C12orf54: variants seen among roughly 807,000 people sequenced by gnomAD.
C12orf54 encodes the protein chromosome 12 open reading frame 54, also known as uncharacterized protein C12orf54.
Under a neutral mutation model 26.4 loss-of-function variants are expected in C12orf54, and 24 were observed. The observed-to-expected ratio is 0.91, with a 90% CI of 0.66 to 1.28. The LOEUF is 1.28. Ranked by LOEUF, C12orf54 falls within the 50% of genes most tolerant of loss-of-function variation. The pLI is 0.00. For missense variants in C12orf54, 154 were observed against 150.9 expected, an observed-to-expected ratio of 1.02 and a Z score of -0.11; for synonymous variants, 54 against 47.0, an observed-to-expected ratio of 1.15 and a Z score of -0.61.
chr12:48,436,114 C>G, the C12orf54 span, among the ~76,000 whole-genome samples: 1 of 152,124 alleles, frequency 6.6e-6, no homozygotes, highest in African/African-American at 2.4e-5. Flanking sequence ...CAATCCTAGT[C>G]TTGGATGAAA....
chr12:48,457,545 G>C, the C12orf54 span, among the ~76,000 whole-genome samples: 1 of 152,008 alleles, frequency 6.6e-6, no homozygotes, highest in Non-Finnish European at 1.5e-5. Flanking sequence ...TGTTGGTCAG[G>C]CTGGTCTCGA....
At chr12:48,480,002 T>C (rs902309745), upstream of C12orf54, among the ~76,000 whole-genome samples, 37 of 152,038 alleles carry the variant, frequency 2.4e-4, no homozygotes, top group African/African-American at 7.7e-4. Context: ...GCTTTTCTTA[T>C]TTTATATATA....
the C12orf54 span, among the ~76,000 whole-genome samples, chr12:48,417,541 C>T: frequency 6.6e-6 from 1 of 152,124 alleles, no homozygotes; most frequent in African/African-American, 2.4e-5. Context: ...CAACCTTAGT[C>T]CAGTCTGATG....
chr12:48,446,104 A>G, the C12orf54 span, among the ~76,000 whole-genome samples: 1 of 152,164 alleles, frequency 6.6e-6, no homozygotes, highest in South Asian at 2.1e-4. Flanking sequence ...CCTGGTGCAC[A>G]ATGTATCCTG....
intron 1 of C12orf54, 66 bp from the exon 2 acceptor site, chr12:48,483,174 C>T: frequency 1.3e-6 from 1 of 768,964 alleles, no homozygotes; most frequent in Non-Finnish European, 2.1e-6. Context: ...TAGTTCTCCA[C>T]TGAATAAGCG....
the C12orf54 span, among the ~76,000 whole-genome samples, chr12:48,455,981 C>T: frequency 2.6e-5 from 4 of 152,122 alleles, no homozygotes; most frequent in South Asian, 2.1e-4. Context: ...ATGTGCCATA[C>T]GCTATTTTAA....
the C12orf54 span, among the ~76,000 whole-genome samples, chr12:48,428,029 C>T: frequency 6.6e-6 from 1 of 151,978 alleles, no homozygotes; most frequent in Non-Finnish European, 1.5e-5. Flanking sequence ...CCTTCAAAAC[C>T]ATGAAAATAC....
the C12orf54 span, among the ~76,000 whole-genome samples, chr12:48,466,656 T>C: frequency 9.9e-5 from 15 of 152,204 alleles, no homozygotes; most frequent in African/African-American, 3.4e-4. Context: ...ATTAGGATAT[T>C]TAAAATTAGA....
intron 8 of C12orf54, 131 bp downstream of exon 8, chr12:48,495,110 G>T (rs1167266435): frequency 9.2e-6 from 6 of 655,398 alleles, no homozygotes; most frequent in Non-Finnish European, 1.5e-5. Flanking sequence ...AGTCATACAA[G>T]GGGCAATAGG....
chr12:48,453,125 G>A, the C12orf54 span, among the ~76,000 whole-genome samples: 2 of 152,302 alleles, frequency 1.3e-5, no homozygotes, highest in Non-Finnish European at 2.9e-5. Context: ...TAAGGAAAAT[G>A]TGGTACATAC....
chr12:48,473,790 T>C, the C12orf54 span, among the ~76,000 whole-genome samples: 1 of 152,192 alleles, frequency 6.6e-6, no homozygotes, highest in East Asian at 1.9e-4. Flanking sequence ...CCGCGGCTGG[T>C]CTCAGTTTGG....
the C12orf54 span, among the ~76,000 whole-genome samples, chr12:48,477,236 C>T: frequency 0.15 from 22,352 of 152,014 alleles, 2,833 homozygotes; most frequent in East Asian, 0.66. Flanking sequence ...CTCTGGGACA[C>T]ATTCAAAGCA....
chr12:48,462,760 C>G, the C12orf54 span, among the ~76,000 whole-genome samples: 1 of 151,600 alleles, frequency 6.6e-6, no homozygotes, highest in East Asian at 1.9e-4. Flanking sequence ...ATAAAAAAAT[C>G]TATATCTATA....
Position 48,483,264 on chromosome 12 carries a change from G to C in C12orf54, c.-33G>C. 6.2e-7 allele frequency: 1 copy of C among 1,603,460 alleles called. No homozygotes were observed. The highest frequency in any genetic ancestry group is 8.5e-7 in the Non-Finnish European group (1 of 1,170,568). ...GGGCCTGGAGCTATCTCCATCTTCA[G>C]CTCCAGAGTCCTTGGTTTCTGTCTG... On this transcript the variant is annotated 5_prime_UTR_variant, in exon 2 of 9. Transcript: ENST00000548364.
the C12orf54 span, among the ~76,000 whole-genome samples, chr12:48,454,122 G>A: frequency 5.2e-5 from 7 of 134,612 alleles, no homozygotes; most frequent in Admixed American, 8.0e-5. Context: ...TTTTTGAGAC[G>A]GAGTCTCACT....
the C12orf54 span, among the ~76,000 whole-genome samples, chr12:48,435,781 C>T: frequency 6.6e-6 from 1 of 152,166 alleles, no homozygotes; most frequent in East Asian, 1.9e-4. Context: ...AAAGGAACAA[C>T]CAGTACCAGT....
At chr12:48,422,065 C>T in the C12orf54 span, among the ~76,000 whole-genome samples, 1 of 151,746 alleles carries the variant, frequency 6.6e-6, no homozygotes, top group East Asian at 1.9e-4. Context: ...AAATAGAATC[C>T]ACTCTAAGAA....
the C12orf54 span, among the ~76,000 whole-genome samples, chr12:48,475,557 T>C: frequency 6.6e-6 from 1 of 152,174 alleles, no homozygotes; most frequent in Non-Finnish European, 1.5e-5. Context: ...TTAAAGGACC[T>C]GATGGAGCTG....
the C12orf54 span, among the ~76,000 whole-genome samples, chr12:48,452,380 C>T: frequency 2.0e-5 from 3 of 152,120 alleles, no homozygotes; most frequent in African/African-American, 7.2e-5. Context: ...ACTGTAAAAA[C>T]TCTACAAGAA....
Sources: gnomAD v4.1 joint callset for allele counts (sites outside exome capture counted in the v4.1 genomes callset) on GRCh38, gnomAD v4.1.1 for gene constraint, MANE v1.5 for transcripts, NCBI Gene and HGNC (gene_info 2026-07-23, HGNC 2026-07-21) for gene names.